The following SCARA5 variants were observed in gnomAD, a reference collection of about 807,000 sequenced individuals.
SCARA5 encodes scavenger receptor class A member 5.
In SCARA5, 45 loss-of-function variants were observed where a neutral mutation model predicts 46.3. The ratio of observed to expected loss-of-function variants is 0.97; its 90% CI spans 0.76 to 1.24. SCARA5 has a LOEUF of 1.24. SCARA5 is among the 50% of genes most tolerant of loss of function. SCARA5 has a pLI of 0.00. For missense variants in SCARA5, 680 were observed against 689.0 expected, an observed-to-expected ratio of 0.99 and a Z score of 0.15; for synonymous variants, 333 against 306.5, an observed-to-expected ratio of 1.09 and a Z score of -0.90.
chr8:27,890,412 C>G (rs1806962774), intron 7 of SCARA5, among the ~76,000 whole-genome samples: 1 of 152,210 alleles, frequency 6.6e-6, no homozygotes. Flanking sequence ...AGGTTACAAG[C>G]ACATATACTA....
chr8:27,926,489 C>G (rs1345039993), intron 3 of SCARA5, among the ~76,000 whole-genome samples: 2 of 152,050 alleles, frequency 1.3e-5, no homozygotes, highest in African/African-American at 4.8e-5. Flanking sequence ...GGAGATATAC[C>G]TAATGTAAAT....
At chr8:27,986,266 A>G (rs1387468676) in intron 2 of SCARA5, among the ~76,000 whole-genome samples, 1 of 152,164 alleles carries the variant, frequency 6.6e-6, no homozygotes, top group Admixed American at 6.5e-5. Flanking sequence ...TCTTTCCCAC[A>G]TCTTCTCTTA....
At chr8:27,899,261 G>A (rs1413229205) in intron 7 of SCARA5, among the ~76,000 whole-genome samples, 1 of 152,162 alleles carries the variant, frequency 6.6e-6, no homozygotes, top group Non-Finnish European at 1.5e-5. Flanking sequence ...TTGAATAGTG[G>A]GACACCCAGC....
chr8:27,905,571 C>T (rs946387246), intron 6 of SCARA5, among the ~76,000 whole-genome samples: 2 of 136,348 alleles, frequency 1.5e-5, no homozygotes, highest in African/African-American at 5.3e-5. Flanking sequence ...TAGGAATATG[C>T]TCAGAAAAAG....
chr8:27,968,234 T>C (rs986178923), intron 2 of SCARA5, among the ~76,000 whole-genome samples: 2 of 152,188 alleles, frequency 1.3e-5, no homozygotes, highest in African/African-American at 2.4e-5. Context: ...TTCTCACTCA[T>C]TGACTTCATT....
chr8:27,963,652 G>T (rs138452371), intron 3 of SCARA5, among the ~76,000 whole-genome samples: 53 of 152,312 alleles, frequency 3.5e-4, no homozygotes, highest in Middle Eastern at 3.4e-3. Context: ...CTTGGATAAT[G>T]CATAAACGTG....
At chr8:27,922,337 T>C in intron 3 of SCARA5, 92 bp from the exon 4 acceptor site, 1 of 811,834 alleles carries the variant, frequency 1.2e-6, no homozygotes, top group South Asian at 2.0e-5. Context: ...TGGCATGCAG[T>C]AGGTGCTCAA....
At chr8:27,919,260 G>T (rs1433797449) in intron 4 of SCARA5, among the ~76,000 whole-genome samples, 1 of 151,776 alleles carries the variant, frequency 6.6e-6, no homozygotes, top group Admixed American at 6.6e-5. Context: ...AGAGAAAGAG[G>T]AGAAGGAAGA....
chr8:27,961,042 C>A (rs1005794681), intron 3 of SCARA5, among the ~76,000 whole-genome samples: 1 of 152,178 alleles, frequency 6.6e-6, no homozygotes, highest in East Asian at 1.9e-4. Context: ...TCACAGATAA[C>A]CTGGGGCTAA....
chr8:27,874,966 T>C (rs1232300606), intron 8 of SCARA5, among the ~76,000 whole-genome samples: 1 of 152,142 alleles, frequency 6.6e-6, no homozygotes, highest in African/African-American at 2.4e-5. Flanking sequence ...GGCCCTCCCA[T>C]TTGGGTCTTT....
At chr8:27,882,174 T>G (rs1453849713) in intron 7 of SCARA5, among the ~76,000 whole-genome samples, 1 of 152,248 alleles carries the variant, frequency 6.6e-6, no homozygotes, top group Non-Finnish European at 1.5e-5. Context: ...TAGTAATAAG[T>G]AAGTGAACCT....
At chr8:27,942,058 AC>A (rs747722553) in intron 3 of SCARA5, among the ~76,000 whole-genome samples, 18 of 151,718 alleles carry the variant, frequency 1.2e-4, no homozygotes, top group Non-Finnish European at 1.9e-4. Flanking sequence ...TGAACTCCTG[AC>A]CCCAGGTGAT....
chr8:27,896,713 C>G lies in SCARA5; in HGVS notation c.1153+8065G>C, dbSNP rs77036687. On this transcript the variant is annotated intron_variant, in intron 7 of 8. Transcript: ENST00000354914. ...GACAGCCATATACCCCCTCCTGCCACCATGGCCCCAAGACCTCCCAGGGAG... is the reference window on the plus strand; with the variant it reads ...GACAGCCATATACCCCCTCCTGCCAGCATGGCCCCAAGACCTCCCAGGGAG... Among the ~76,000 whole-genome samples, 402 of 152,278 alleles carry G rather than the reference C, an allele frequency of 2.6e-3. 10 individuals carry two copies. The East Asian group carries it at 0.054, about 20-fold the overall frequency.
At position 27,984,783 on chromosome 8, in the gene SCARA5, C is replaced by G. The variant is rs142873423; in HGVS notation, c.112+2721G>C. 5.4e-3 allele frequency among the ~76,000 whole-genome samples: 826 copies of G among 152,166 alleles called. 10 individuals carry two copies. Among genetic ancestry groups the G allele is most frequent in the African/African-American group, 0.019 (794 of 41,514 alleles). On this transcript the variant is annotated intron_variant, in intron 2 of 8. Coordinates refer to ENST00000354914, the MANE Select transcript of SCARA5 (RefSeq NM_173833.6). ...TTCACATATCCATTCATTCATTCATCCATCCATTCACCCATTCATCCATCC... is the reference window on the plus strand; with the variant it reads ...TTCACATATCCATTCATTCATTCATGCATCCATTCACCCATTCATCCATCC...
chr8:27,883,901 A>G (rs542551247), intron 7 of SCARA5, among the ~76,000 whole-genome samples: 15 of 152,282 alleles, frequency 9.9e-5, no homozygotes, highest in Non-Finnish European at 2.1e-4. Context: ...TTTATCTTGT[A>G]TTTGGCCAAG....
chr8:27,883,641 G>A (rs1310001247), intron 7 of SCARA5, among the ~76,000 whole-genome samples: 1 of 152,256 alleles, frequency 6.6e-6, no homozygotes, highest in Non-Finnish European at 1.5e-5. Context: ...AGATTAGAGG[G>A]TCAATCAGCA....
chr8:27,899,993 C>T (rs573634423), intron 7 of SCARA5, among the ~76,000 whole-genome samples: 11 of 152,220 alleles, frequency 7.2e-5, no homozygotes, highest in Admixed American at 6.5e-4. Context: ...CACAAATTAG[C>T]TGGGCATGAT....
At chr8:27,966,575 A>G (rs1261208739) in intron 2 of SCARA5, 33 bp from the exon 3 acceptor site, 1 of 1,574,928 alleles carries the variant, frequency 6.3e-7, no homozygotes, top group Non-Finnish European at 8.6e-7. Context: ...GGAAGGAAAG[A>G]AGACACTTAA....
chr8:27,927,834 G>A (rs1382368416), intron 3 of SCARA5, among the ~76,000 whole-genome samples: 1 of 152,106 alleles, frequency 6.6e-6, no homozygotes, highest in Non-Finnish European at 1.5e-5. Context: ...ATTTTAAAAT[G>A]TGCCGAGTTC....
Sources: gnomAD v4.1 joint callset for allele counts (sites outside exome capture counted in the v4.1 genomes callset) on GRCh38, gnomAD v4.1.1 for gene constraint, MANE v1.5 for transcripts, NCBI Gene and HGNC (gene_info 2026-07-23, HGNC 2026-07-21) for gene names.